RBFOX1: variants seen among roughly 807,000 people sequenced by gnomAD.
RBFOX1 encodes the protein RNA binding protein fox-1 homolog 1.
In RBFOX1, 8 loss-of-function variants were observed where a neutral mutation model predicts 57.7. That is an observed-to-expected ratio of 0.14 (90% CI 0.08 to 0.25). RBFOX1 has a LOEUF of 0.25. Ranked by LOEUF, RBFOX1 falls within the 10% of genes least tolerant of loss-of-function variation. The pLI is 1.00. For synonymous variants in RBFOX1, 326 were observed against 222.4 expected (o/e 1.47, Z -4.15); for missense variants, 611 against 548.5 (o/e 1.11, Z -1.14).
At chr16:7,163,324 G>C (rs984965657) in intron 4 of RBFOX1, among the ~76,000 whole-genome samples, 2 of 152,122 alleles carry the variant, frequency 1.3e-5, no homozygotes, top group African/African-American at 4.8e-5. Context: ...CTGGTGATGA[G>C]TAACCTTATC....
Position 5,424,936 on chromosome 16 carries a change from TC to T in RBFOX1, c.220-42279del, listed in dbSNP as rs1567490155. On this transcript the variant is annotated intron_variant, in intron 1 of 2. Coordinates refer to the RBFOX1 transcript ENST00000585867. ...CTTTCTTTCTTTCTTTCTTTCTTTCTCTCTCTTCTTTCTTCCTTTGTTTCTT... is the reference window on the plus strand; with the variant it reads ...CTTTCTTTCTTTCTTTCTTTCTTTCTTCTCTTCTTTCTTCCTTTGTTTCTT... Among the ~76,000 whole-genome samples the T allele has an allele frequency of 5.9e-5, 6 of 101,024 alleles. 1 individual carries two copies. The South Asian group carries it at 1.0e-3, about 17-fold the overall frequency. The allele number at this position is 101,024 out of a possible 152,430, so 66.3% of individuals were successfully genotyped here.
chr16:6,041,184 T>C (rs1198633346), intron 1 of RBFOX1, among the ~76,000 whole-genome samples: 1 of 152,174 alleles, frequency 6.6e-6, no homozygotes, highest in African/African-American at 2.4e-5. Context: ...CAGAATGTTA[T>C]ATAGTTAGAA....
At chr16:5,419,786 A>T (rs1425714132) in intron 1 of RBFOX1, among the ~76,000 whole-genome samples, 2 of 151,838 alleles carry the variant, frequency 1.3e-5, no homozygotes, top group African/African-American at 4.8e-5. Context: ...AGTTGGAGAG[A>T]TATGAAGCTT....
intron 2 of RBFOX1, among the ~76,000 whole-genome samples, chr16:5,551,500 G>C (rs1482808972): frequency 1.3e-5 from 2 of 152,150 alleles, no homozygotes; most frequent in African/African-American, 4.8e-5. Flanking sequence ...AGGTTATTTA[G>C]GAATAGATTT....
At chr16:7,047,418 C>G (rs895334414) in intron 3 of RBFOX1, among the ~76,000 whole-genome samples, 2 of 152,004 alleles carry the variant, frequency 1.3e-5, no homozygotes, top group Non-Finnish European at 2.9e-5. Flanking sequence ...TGTTTTAAAT[C>G]CATAGTTCTT....
At position 6,253,014 on chromosome 16, in the gene RBFOX1, C is replaced by A. The variant is rs142772932; in HGVS notation, c.-126-63981C>A. The stretch of plus-strand genomic sequence containing the variant: ...TCTGTGAGGTAGGAACTATTATAAT[C>A]CACTTTTACAGATAAGGGTGCTGAA... On this transcript the variant is annotated intron_variant, in intron 1 of 15. Transcript: ENST00000550418. Among the ~76,000 whole-genome samples the A allele has an allele frequency of 8.6e-3, 1,311 of 152,192 alleles. 14 individuals carry two copies. Among genetic ancestry groups the A allele is most frequent in the African/African-American group, 0.028 (1,158 of 41,532 alleles).
intron 1 of RBFOX1, among the ~76,000 whole-genome samples, chr16:6,165,821 C>G (rs1471130936): frequency 6.6e-6 from 1 of 152,140 alleles, no homozygotes. Flanking sequence ...GATCACTCAA[C>G]TGTGGAAGGT....
At chr16:5,549,309 T>A in intron 2 of RBFOX1, among the ~76,000 whole-genome samples, 1 of 152,234 alleles carries the variant, frequency 6.6e-6, no homozygotes, top group Non-Finnish European at 1.5e-5. Flanking sequence ...CTGTTCTTGG[T>A]TGAACTTTGC....
chr16:6,072,932 A>G (rs1248241099), intron 1 of RBFOX1, among the ~76,000 whole-genome samples: 3 of 152,318 alleles, frequency 2.0e-5, no homozygotes, highest in Non-Finnish European at 4.4e-5. Context: ...AAGCTCATCA[A>G]ATTGTATACG....
intron 4 of RBFOX1, among the ~76,000 whole-genome samples, chr16:7,192,641 GATCATAGT>G (rs1279853169): frequency 1.3e-5 from 2 of 152,190 alleles, no homozygotes; most frequent in Non-Finnish European, 2.9e-5. Flanking sequence ...AGACAGTTTA[GATCATAGT>G]ATTGTTTCGA....
At chr16:6,647,900 G>C (rs1270826565) in intron 2 of RBFOX1, among the ~76,000 whole-genome samples, 1 of 152,118 alleles carries the variant, frequency 6.6e-6, no homozygotes, top group East Asian at 1.9e-4. Context: ...GGAGTGTAGT[G>C]GTGCAATCTC....
At chr16:5,940,281 A>C (rs535416010) in intron 4 of RBFOX1, among the ~76,000 whole-genome samples, 2 of 152,238 alleles carry the variant, frequency 1.3e-5, no homozygotes, top group African/African-American at 4.8e-5. Context: ...ACCTAAGTTA[A>C]ATTCAGTATT....
intron 3 of RBFOX1, among the ~76,000 whole-genome samples, chr16:6,749,377 A>G (rs2074449276): frequency 6.6e-6 from 1 of 152,182 alleles, no homozygotes; most frequent in Non-Finnish European, 1.5e-5. Context: ...CATGAGTGCC[A>G]CCATCCTTCC....
At chr16:7,034,112 C>A (rs549767523) in intron 3 of RBFOX1, among the ~76,000 whole-genome samples, 60 of 152,256 alleles carry the variant, frequency 3.9e-4, no homozygotes, top group African/African-American at 1.3e-3. Context: ...TAAGTGCCAT[C>A]CCTGGAGCAA....
Position 6,538,756 on chromosome 16 carries a change from G to C in RBFOX1, c.-63-115847G>C, listed in dbSNP as rs1269428087. Among the ~76,000 whole-genome samples, 5 of 152,254 alleles carry C rather than the reference G, an allele frequency of 3.3e-5. No individual in the cohort carries two copies. In the East Asian group the frequency reaches 9.7e-4, roughly 29 times the overall value. On this transcript the variant is annotated intron_variant, in intron 2 of 15. Transcript: ENST00000550418. ...ATGTGTTTGCCTTTTTCCAGCTGTT[G>C]GTTGTTTTTTTTCATGGCTTCTTCC...
chr16:7,506,563 C>T (rs114267546), intron 4 of RBFOX1, among the ~76,000 whole-genome samples: 1,673 of 151,930 alleles, frequency 0.011, 37 homozygotes, highest in African/African-American at 0.039. Context: ...TCACCATCAC[C>T]ATTATTACCA....
chr16:7,469,903 G>C (rs1193966163), intron 4 of RBFOX1, among the ~76,000 whole-genome samples: 1 of 152,036 alleles, frequency 6.6e-6, no homozygotes, highest in Non-Finnish European at 1.5e-5. Context: ...ACTACGCTAA[G>C]TACCTCATAT....
intron 4 of RBFOX1, among the ~76,000 whole-genome samples, chr16:7,098,603 C>T (rs1313706309): frequency 1.3e-5 from 2 of 152,116 alleles, no homozygotes; most frequent in African/African-American, 2.4e-5. Context: ...TTGGTAATAA[C>T]ACAGGAAATT....
intron 4 of RBFOX1, among the ~76,000 whole-genome samples, chr16:7,066,341 T>C (rs534478121): frequency 1.6e-4 from 25 of 152,196 alleles, no homozygotes; most frequent in Non-Finnish European, 2.6e-4. Context: ...ATTTGCTTTT[T>C]AGAAAGGAGC....
Sources: gnomAD v4.1 joint callset for allele counts (sites outside exome capture counted in the v4.1 genomes callset) on GRCh38, gnomAD v4.1.1 for gene constraint, MANE v1.5 for transcripts, NCBI Gene and HGNC (gene_info 2026-07-23, HGNC 2026-07-21) for gene names.